The following HTR1E variants were observed in gnomAD, a reference collection of about 807,000 sequenced individuals.
HTR1E encodes the protein 5-HT-1E.
In HTR1E, 3 loss-of-function variants were observed where a neutral mutation model predicts 3.4. That is an observed-to-expected ratio of 0.89 (90% confidence interval 0.41 to 2.31). The LOEUF (loss-of-function observed/expected upper bound fraction) is 2.31, where lower values mean the gene tolerates loss of function less well. Among genes scored for constraint, HTR1E ranks in the 30% most tolerant of loss-of-function variants. The pLI, the probability that HTR1E is intolerant of heterozygous loss-of-function variation, is 0.05. For synonymous variants in HTR1E, 170 were observed against 182.8 expected (o/e 0.93, Z 0.56); for missense variants, 392 against 467.0 (o/e 0.84, Z 1.48).
chr6:86,938,500 C>T (rs1353548151), intron 1 of HTR1E, among the ~76,000 whole-genome samples: 1 of 152,146 alleles, frequency 6.6e-6, no homozygotes, highest in African/African-American at 2.4e-5. Context: ...GAAATTGAGT[C>T]TAAAGGGAAG....
chr6:86,939,975 A>T (rs1768522564), intron 1 of HTR1E, among the ~76,000 whole-genome samples: 1 of 152,234 alleles, frequency 6.6e-6, no homozygotes, highest in South Asian at 2.1e-4. Context: ...CATGTAAATA[A>T]GTTTCCATTC....
At chr6:87,006,016 A>G (rs991637294) in intron 1 of HTR1E, among the ~76,000 whole-genome samples, 1 of 152,244 alleles carries the variant, frequency 6.6e-6, no homozygotes, top group Non-Finnish European at 1.5e-5. Flanking sequence ...GTGCAAATCA[A>G]AACTACAATG....
intron 1 of HTR1E, among the ~76,000 whole-genome samples, chr6:86,939,769 CT>C (rs1768520045): frequency 6.6e-6 from 1 of 152,228 alleles, no homozygotes; most frequent in African/African-American, 2.4e-5. Context: ...CTTTCCTCTT[CT>C]GCCATAATGA....
At chr6:86,975,308 A>G (rs902019050) in intron 1 of HTR1E, among the ~76,000 whole-genome samples, 6 of 152,200 alleles carry the variant, frequency 3.9e-5, no homozygotes, top group Admixed American at 2.6e-4. Flanking sequence ...ATTATCCTTA[A>G]CATAGTTACT....
At chr6:86,942,911 A>C (rs1016879368) in intron 1 of HTR1E, among the ~76,000 whole-genome samples, 1 of 152,194 alleles carries the variant, frequency 6.6e-6, no homozygotes, top group African/African-American at 2.4e-5. Flanking sequence ...CTCAAAGCTC[A>C]CAAGACTTGA....
At chr6:87,006,782 A>G (rs1400176833) in intron 1 of HTR1E, among the ~76,000 whole-genome samples, 1 of 152,218 alleles carries the variant, frequency 6.6e-6, no homozygotes, top group Non-Finnish European at 1.5e-5. Flanking sequence ...AGGGACATGG[A>G]TGGAGCTGGA....
intron 1 of HTR1E, among the ~76,000 whole-genome samples, chr6:86,949,045 T>C (rs983330185): frequency 1.3e-5 from 2 of 152,244 alleles, no homozygotes; most frequent in Admixed American, 6.5e-5. Context: ...TTCTCACTTA[T>C]GCCAATTTAA....
At chr6:86,972,794 T>C (rs1010981550) in intron 1 of HTR1E, among the ~76,000 whole-genome samples, 3 of 152,146 alleles carry the variant, frequency 2.0e-5, no homozygotes, top group Non-Finnish European at 4.4e-5. Flanking sequence ...CTGCCAGTGA[T>C]TACTGGGGTT....
At chr6:86,955,915 C>G (rs1754930690) in intron 1 of HTR1E, among the ~76,000 whole-genome samples, 1 of 151,758 alleles carries the variant, frequency 6.6e-6, no homozygotes, top group South Asian at 2.1e-4. Flanking sequence ...ACTGAAACCC[C>G]CTCTCAGTCA....
At chr6:86,943,537 G>A (rs978653797) in intron 1 of HTR1E, among the ~76,000 whole-genome samples, 4 of 152,164 alleles carry the variant, frequency 2.6e-5, no homozygotes, top group Non-Finnish European at 5.9e-5. Flanking sequence ...CTCCTTTCAG[G>A]GAAGTTTCTC....
chr6:86,987,305 T>C (rs1002720478), intron 1 of HTR1E, among the ~76,000 whole-genome samples: 1 of 152,148 alleles, frequency 6.6e-6, no homozygotes, highest in African/African-American at 2.4e-5. Context: ...ATACTGTATA[T>C]AAAAAGCTAG....
chr6:86,986,655 T>C (rs930584939), intron 1 of HTR1E, among the ~76,000 whole-genome samples: 2 of 152,178 alleles, frequency 1.3e-5, no homozygotes, highest in African/African-American at 4.8e-5. Context: ...ACTATTCGCA[T>C]TTCCCATTAT....
intron 1 of HTR1E, among the ~76,000 whole-genome samples, chr6:86,988,661 T>A (rs1195957687): frequency 6.6e-6 from 1 of 152,148 alleles, no homozygotes; most frequent in East Asian, 1.9e-4. Context: ...CATGACTCCC[T>A]TTCTCTATAT....
At chr6:86,939,446 T>C (rs2127814348) in intron 1 of HTR1E, among the ~76,000 whole-genome samples, 1 of 152,336 alleles carries the variant, frequency 6.6e-6, no homozygotes, top group South Asian at 2.1e-4. Flanking sequence ...AACTTAACTA[T>C]TGTGTCATCA....
At chr6:86,945,290 T>C (rs1403517733) in intron 1 of HTR1E, among the ~76,000 whole-genome samples, 1 of 152,218 alleles carries the variant, frequency 6.6e-6, no homozygotes, top group East Asian at 1.9e-4. Context: ...TCGCCCAGGC[T>C]GGAGTGCAGC....
intron 1 of HTR1E, among the ~76,000 whole-genome samples, chr6:87,006,909 C>T (rs1432879749): frequency 6.6e-6 from 1 of 152,086 alleles, no homozygotes; most frequent in Non-Finnish European, 1.5e-5. Context: ...ACAACACACA[C>T]TGGGGCCTGC....
intron 1 of HTR1E, among the ~76,000 whole-genome samples, chr6:86,969,912 T>G (rs1257051290): frequency 2.6e-5 from 4 of 152,164 alleles, no homozygotes; most frequent in Non-Finnish European, 5.9e-5. Flanking sequence ...GAAGTCATCT[T>G]ACAACAACGG....
rs1263006902 is a variant in HTR1E at position 87,015,957 on chromosome 6, C to T, written c.623C>T (p.Ala208Val). The change falls in exon 2 of 2, where the codon GCG becomes GTG. Residue 208 changes from alanine to valine, a missense_variant. Ala to Val is a moderately conservative substitution (Grantham distance 64, BLOSUM62 0). Coordinates refer to ENST00000305344, the MANE Select transcript of HTR1E (RefSeq NM_000865.3). ...ATTCTCTATTACCGGATTTACCACG[C>T]GGCCAAGAGCCTTTACCAGAAAAGG... ...ILILYYRIYH[A>V]AKSLYQKRGS... 1.2e-5 allele frequency: 19 copies of T among 1,614,048 alleles called. No individual in the cohort carries two copies. The highest frequency in any genetic ancestry group is 1.1e-4 in the East Asian group (5 of 44,900).
At chr6:86,968,216 T>G (rs1463353016) in intron 1 of HTR1E, among the ~76,000 whole-genome samples, 2 of 152,200 alleles carry the variant, frequency 1.3e-5, no homozygotes, top group African/African-American at 4.8e-5. Context: ...TTAAAGCATA[T>G]TTATAGAAAT....
Sources: allele counts gnomAD v4.1 joint callset (sites outside exome capture counted in the v4.1 genomes callset), GRCh38; gene constraint gnomAD v4.1.1; transcripts MANE v1.5; gene names NCBI Gene and HGNC (gene_info 2026-07-23, HGNC 2026-07-21).